Variants in PKHD1L1 observed in about 807,000 individuals in gnomAD.
PKHD1L1 encodes the protein fibrocystin-L.
Under a neutral mutation model 462.9 loss-of-function variants are expected in PKHD1L1, and 434 were observed. That is an observed-to-expected ratio of 0.94 (90% CI 0.87 to 1.02). PKHD1L1 has a LOEUF of 1.02. PKHD1L1 is among the 50% of genes least tolerant of loss of function. The probability of loss-of-function intolerance (pLI) is 0.00; values close to 1 mark genes in which losing one functional copy is unlikely to be tolerated. For missense variants in PKHD1L1, 5,202 were observed against 5,096.1 expected (o/e 1.02, Z -0.63); for synonymous variants, 1,781 against 1,750.0 (o/e 1.02, Z -0.44).
chr8:109,461,653 G>A (rs1465116193), intron 47 of PKHD1L1, 119 bp from the exon 48 acceptor site: 22 of 1,083,398 alleles, frequency 2.0e-5, no homozygotes, highest in Non-Finnish European at 2.9e-5. Context: ...AAATAACTAT[G>A]TTCTAGGATG....
rs55959787 is a variant in PKHD1L1, at chr8:109,534,872, G to C, written c.*4782G>C. ...GATGGTCATGGAGAAACTGTTCTAA[G>C]AACGCCATTCACCCATGAATGTGAC... is the stretch of plus-strand genomic sequence containing the variant. On this transcript the variant is annotated 3_prime_UTR_variant, in exon 78 of 78. Coordinates refer to ENST00000378402, the MANE Select transcript of PKHD1L1 (RefSeq NM_177531.6). Among the ~76,000 whole-genome samples the C allele has an allele frequency of 0.18, 27,224 of 151,528 alleles. 2,610 individuals are homozygous for C. The highest frequency in any genetic ancestry group is 0.37 in the South Asian group (1,771 of 4,804).
intron 2 of PKHD1L1, 67 bp downstream of exon 2, chr8:109,364,703 G>C: frequency 1.1e-6 from 1 of 924,934 alleles, no homozygotes; most frequent in Non-Finnish European, 1.5e-6. Flanking sequence ...TTCATATTTA[G>C]AGCTTTATGG....
At chr8:109,406,141 A>G (rs950027086) in intron 16 of PKHD1L1, among the ~76,000 whole-genome samples, 194 bp from the exon 17 acceptor site, 8 of 152,222 alleles carry the variant, frequency 5.3e-5, no homozygotes, top group African/African-American at 1.9e-4. Flanking sequence ...CAAAGAGATC[A>G]CAAATTAATT....
chr8:109,445,399 G>A lies in PKHD1L1; in HGVS notation c.5530G>A (p.Gly1844Ser), dbSNP rs755648321. The part of the protein sequence containing the change: ...ASLSPTSGSI[G>S]GGTTLVITGN... The stretch of plus-strand genomic sequence containing the variant: ...TCTATCACCAACTTCTGGAAGCATT[G>A]GTGGTGGAACTACACTGGTGATCAC... Residue 1844 changes from glycine to serine, a missense_variant, in exon 38 of 78, where the codon GGT becomes AGT. Around this residue, in one of 3 missense-constraint regions of PKHD1L1, gnomAD observed 4,497 missense variants for 4,336.8 expected, o/e 1.04. Coordinates refer to ENST00000378402, the MANE Select transcript of PKHD1L1 (RefSeq NM_177531.6). The A allele has an allele frequency of 6.2e-7, 1 of 1,613,914 alleles. No individual in the cohort carries two copies. The highest frequency in any genetic ancestry group is 1.3e-5 in the African/African-American group (1 of 75,012).
Position 109,532,381 on chromosome 8 carries a change from A to G in PKHD1L1, c.*2291A>G, listed in dbSNP as rs1457400996. Among the ~76,000 whole-genome samples the G allele has an allele frequency of 2.0e-5, 3 of 152,192 alleles. No homozygotes were observed. Among genetic ancestry groups the G allele is most frequent in the Non-Finnish European group, 2.9e-5 (2 of 68,030 alleles). Reference sequence around the variant, plus strand: ...AATTACTACTTTTAAAAATGCTTGAATTATTGGAATCCATGGGCAATACAT... The same window carrying G: ...AATTACTACTTTTAAAAATGCTTGAGTTATTGGAATCCATGGGCAATACAT... On this transcript the variant is annotated 3_prime_UTR_variant, in exon 78 of 78. Transcript: ENST00000378402.
intron 59 of PKHD1L1, among the ~76,000 whole-genome samples, chr8:109,489,650 A>G (rs539532646): frequency 6.6e-6 from 1 of 151,984 alleles, no homozygotes; most frequent in African/African-American, 2.4e-5. Context: ...GGGGGCAAAA[A>G]ACGTAGGTAT....
rs1368753226 is a variant in PKHD1L1 at position 109,459,701 on chromosome 8, G to A, written c.7111G>A (p.Val2371Ile). The A allele has an allele frequency of 6.2e-7, 1 of 1,611,846 alleles. No homozygotes were observed. Among genetic ancestry groups the A allele is most frequent in the Non-Finnish European group, 8.5e-7 (1 of 1,178,792 alleles). Residue 2371 changes from valine (V) to isoleucine (I), a missense_variant, in exon 47 of 78, where the codon GTC (valine) becomes ATC (isoleucine). Transcript: ENST00000378402. Reference sequence around the variant, plus strand: ...AAATTACACACACTTAGGAATTACGGTCACACTCCCTGATGGAACTCTGTT... The same window carrying A: ...AAATTACACACACTTAGGAATTACGATCACACTCCCTGATGGAACTCTGTT... ...PLNYTHLGIT[V>I]TLPDGTLFEA...
chr8:109,391,620 A>G (rs1378295758), intron 9 of PKHD1L1, among the ~76,000 whole-genome samples: 1 of 152,226 alleles, frequency 6.6e-6, no homozygotes, highest in African/African-American at 2.4e-5. Flanking sequence ...TATAAATTGC[A>G]TTATTTAACA....
intron 46 of PKHD1L1, among the ~76,000 whole-genome samples, chr8:109,457,044 A>G (rs1816865691): frequency 2.0e-5 from 3 of 152,166 alleles, no homozygotes; most frequent in South Asian, 4.1e-4. Context: ...TTAACATAAC[A>G]CCACCAAGTA....
chr8:109,432,644 A>G (rs1815175497), intron 27 of PKHD1L1, among the ~76,000 whole-genome samples: 1 of 152,162 alleles, frequency 6.6e-6, no homozygotes, highest in Non-Finnish European at 1.5e-5. Context: ...TGTCCCAGGC[A>G]CTTTGAGATG....
chr8:109,426,306 A>C (rs917270593), intron 24 of PKHD1L1, among the ~76,000 whole-genome samples: 16 of 152,076 alleles, frequency 1.1e-4, no homozygotes, highest in African/African-American at 3.9e-4. Flanking sequence ...TTTAACACTC[A>C]ATATATTCTG....
rs1286082929 is a variant in PKHD1L1 at position 109,373,023 on chromosome 8, A to G, written c.164-8347A>G. 6.7e-5 allele frequency among the ~76,000 whole-genome samples: 10 copies of G among 149,362 alleles called. No individual in the cohort carries two copies. In the South Asian group the frequency reaches 1.9e-3, roughly 28 times the overall value. On this transcript the variant is annotated intron_variant, in intron 2 of 77. Transcript: ENST00000378402. ...ATCAGGATGATGCTGGCCTCATAAAATAAGTTAGGGATGATTCCCTCTTTT... is the reference window on the plus strand; with the variant it reads ...ATCAGGATGATGCTGGCCTCATAAAGTAAGTTAGGGATGATTCCCTCTTTT...
At chr8:109,525,847 A>G (rs925858878) in intron 76 of PKHD1L1, among the ~76,000 whole-genome samples, 7 of 145,234 alleles carry the variant, frequency 4.8e-5, no homozygotes, top group East Asian at 4.4e-4. Flanking sequence ...ATATCCTGAA[A>G]GTTATATAAT....
At chr8:109,494,157 A>G (rs1477815155) in intron 63 of PKHD1L1, among the ~76,000 whole-genome samples, 2 of 151,986 alleles carry the variant, frequency 1.3e-5, no homozygotes, top group Non-Finnish European at 2.9e-5. Flanking sequence ...ATGCATCAAA[A>G]AGTCAACAAA....
Position 109,530,172 on chromosome 8 carries a change from C to A in PKHD1L1, c.*82C>A, listed in dbSNP as rs1409077180. The A allele has an allele frequency of 1.2e-6, 1 of 810,522 alleles. No homozygotes were observed. Among genetic ancestry groups the A allele is most frequent in the Non-Finnish European group, 1.7e-6 (1 of 576,852 alleles). The allele number at this position is 810,522 out of a possible 1,614,324, so 50.2% of individuals were successfully genotyped here. ...TTGGGCAATAGGCAAAAGTCTATAG[C>A]ATTTTCATGAAAATATACTAAAAAT... On this transcript the variant is annotated 3_prime_UTR_variant, in exon 78 of 78. Coordinates refer to ENST00000378402, the MANE Select transcript of PKHD1L1 (RefSeq NM_177531.6).
chr8:109,396,418 G>A (rs144920240), intron 11 of PKHD1L1, among the ~76,000 whole-genome samples: 226 of 152,234 alleles, frequency 1.5e-3, no homozygotes, highest in African/African-American at 5.3e-3. Context: ...TGAATTCCTC[G>A]CCACAGTTTA....
chr8:109,394,996 A>C (rs1353894818), intron 10 of PKHD1L1, among the ~76,000 whole-genome samples: 1 of 152,234 alleles, frequency 6.6e-6, no homozygotes, highest in African/African-American at 2.4e-5. Context: ...TGCTCTGCAG[A>C]ATACAGGTTG....
intron 6 of PKHD1L1, among the ~76,000 whole-genome samples, chr8:109,386,024 A>C (rs1586405039): frequency 6.6e-6 from 1 of 152,192 alleles, no homozygotes; most frequent in South Asian, 2.1e-4. Context: ...AGTCAGGGTC[A>C]GGAGTAGAAC....
At chr8:109,367,314 A>G (rs1274488997) in intron 2 of PKHD1L1, among the ~76,000 whole-genome samples, 2 of 152,246 alleles carry the variant, frequency 1.3e-5, no homozygotes, top group African/African-American at 4.8e-5. Flanking sequence ...TTATTTATCA[A>G]TTACACAAGA....
Sources: gnomAD v4.1 joint callset for allele counts (sites outside exome capture counted in the v4.1 genomes callset) on GRCh38, gnomAD v4.1.1 for gene constraint, gnomAD v4.1.1 regional missense constraint, MANE v1.5 for transcripts, NCBI Gene and HGNC (gene_info 2026-07-23, HGNC 2026-07-21) for gene names.